The following KIF26B variants were observed in gnomAD, a reference collection of about 807,000 sequenced individuals.
The protein encoded by KIF26B is kinesin-like protein KIF26B.
In KIF26B, 63 loss-of-function variants were observed where a neutral mutation model predicts 151.2. The ratio of observed to expected loss-of-function variants is 0.42; its 90% CI spans 0.34 to 0.51. The LOEUF is 0.51. KIF26B is among the 20% of genes least tolerant of loss of function. The probability of loss-of-function intolerance (pLI) is 0.07; values close to 1 mark genes in which losing one functional copy is unlikely to be tolerated. For missense variants in KIF26B, 2,813 were observed against 2,913.6 expected, an observed-to-expected ratio of 0.97 and a Z score of 0.79; for synonymous variants, 1,357 against 1,262.1, an observed-to-expected ratio of 1.08 and a Z score of -1.59.
intron 2 of KIF26B, among the ~76,000 whole-genome samples, chr1:245,289,895 C>G (rs1172323626): frequency 6.6e-6 from 1 of 152,196 alleles, no homozygotes; most frequent in African/African-American, 2.4e-5. Flanking sequence ...TTGTTCCCGA[C>G]TAAGCAAACC....
rs760386992 is a variant in KIF26B at position 245,685,800 on chromosome 1, C to T, written c.2817C>T (p.Ser939=). Residue 939 remains serine, a synonymous_variant, in exon 12 of 15, where the codon AGC becomes AGT. Coordinates refer to ENST00000407071, the MANE Select transcript of KIF26B (RefSeq NM_018012.4). ...LQERLDCIDG[S]EEPSSFPFEE... Reference sequence around the variant, plus strand: ...AGAGGCTGGACTGCATCGACGGCAGCGAGGAGCCCAGCAGCTTTCCTTTCG... The same window carrying T: ...AGAGGCTGGACTGCATCGACGGCAGTGAGGAGCCCAGCAGCTTTCCTTTCG... 12 of 1,609,422 alleles carry T rather than the reference C, an allele frequency of 7.5e-6. No homozygotes were observed. The East Asian group carries it at 1.3e-4, about 18-fold the overall frequency.
chr1:245,678,666 A>T (rs548316626), intron 10 of KIF26B, among the ~76,000 whole-genome samples: 1 of 152,040 alleles, frequency 6.6e-6, no homozygotes, highest in Non-Finnish European at 1.5e-5. Flanking sequence ...GATTGAGACC[A>T]TCGTGGCCAA....
Position 245,687,950 on chromosome 1 carries a change from G to C in KIF26B, c.4967G>C (p.Ser1656Thr), listed in dbSNP as rs752335244. Residue 1656 changes from serine (S) to threonine (T), a missense_variant, in exon 12 of 15, where the codon AGT becomes ACT. This residue lies in a region of KIF26B where 2,060 missense variants were observed against 2,088.6 expected (regional missense o/e 0.99). Coordinates refer to ENST00000407071, the MANE Select transcript of KIF26B (RefSeq NM_018012.4). This position sits in a 1 kb window ranked among gnomAD's most constrained non-coding sequence, Gnocchi z 4.9. Reference protein sequence around the residue: ...KDASSSSKLFSAKLEQLASRS... With the variant: ...KDASSSSKLFTAKLEQLASRS... ...GCCAGCAGCAGCAGCAAGCTCTTCA[G>C]TGCCAAGCTGGAGCAGCTGGCCAGC... is the stretch of plus-strand genomic sequence containing the variant. The C allele has an allele frequency of 3.8e-6, 6 of 1,591,844 alleles. No homozygotes were observed. The Admixed American group carries it at 5.2e-5, about 14-fold the overall frequency.
At chr1:245,519,490 G>T (rs1394025379) in intron 4 of KIF26B, among the ~76,000 whole-genome samples, 2 of 151,968 alleles carry the variant, frequency 1.3e-5, no homozygotes, top group African/African-American at 4.8e-5. Context: ...GGAGGCAGAG[G>T]CTGCAGTGAG....
In KIF26B at chr1:245,618,991, G is replaced by A. The variant is rs2043626480; in HGVS notation, c.2098+7015G>A. On this transcript the variant is annotated intron_variant, in intron 9 of 14. Transcript: ENST00000407071. Reference sequence around the variant, plus strand: ...CTGTGTCCACTGCATCAGTGTCCAAGCCCTATTAGACTATAGGTTCCTTGA... The same window carrying A: ...CTGTGTCCACTGCATCAGTGTCCAAACCCTATTAGACTATAGGTTCCTTGA... 2.1e-5 allele frequency among the ~76,000 whole-genome samples: 3 copies of A among 145,296 alleles called. No individual in the cohort carries two copies. The South Asian group carries it at 6.6e-4, about 32-fold the overall frequency.
intron 2 of KIF26B, among the ~76,000 whole-genome samples, chr1:245,203,313 G>T (rs1669340209): frequency 6.6e-6 from 1 of 151,732 alleles, no homozygotes; most frequent in East Asian, 1.9e-4. Context: ...AAGAAAAATG[G>T]GCACAACGAT....
intron 4 of KIF26B, among the ~76,000 whole-genome samples, chr1:245,499,329 A>G (rs979861101): frequency 6.6e-6 from 1 of 152,120 alleles, no homozygotes; most frequent in Non-Finnish European, 1.5e-5. Flanking sequence ...AATCCAACAT[A>G]ATGATAGTCT....
chr1:245,670,891 T>G (rs2044278817), intron 10 of KIF26B, among the ~76,000 whole-genome samples: 1 of 152,268 alleles, frequency 6.6e-6, no homozygotes, highest in Non-Finnish European at 1.5e-5. Context: ...CTTAAAAACG[T>G]ACAATTAAGT....
chr1:245,695,273 C>T (rs2044677251), intron 12 of KIF26B, among the ~76,000 whole-genome samples: 2 of 152,158 alleles, frequency 1.3e-5, no homozygotes, highest in Non-Finnish European at 2.9e-5. Context: ...TGTGCCCTTT[C>T]CAGTAATGTG....
At chr1:245,182,220 G>A (rs917873602) in intron 2 of KIF26B, among the ~76,000 whole-genome samples, 1 of 152,154 alleles carries the variant, frequency 6.6e-6, no homozygotes, top group African/African-American at 2.4e-5. Context: ...CCCATTATCA[G>A]TCAGTCTTCA....
intron 4 of KIF26B, among the ~76,000 whole-genome samples, chr1:245,484,685 T>G (rs4658779): frequency 0.69 from 104,225 of 150,030 alleles, 37,058 homozygotes; most frequent in Non-Finnish European, 0.76. Context: ...TGGAGCTGCT[T>G]CTCCTCCTTC....
chr1:245,209,378 C>T (rs960708388), intron 2 of KIF26B, among the ~76,000 whole-genome samples: 1 of 150,914 alleles, frequency 6.6e-6, no homozygotes, highest in African/African-American at 2.4e-5. Context: ...TCCAGCCTGG[C>T]TGACAGAGTG....
At chr1:245,571,953 C>T (rs1320126181) in intron 5 of KIF26B, among the ~76,000 whole-genome samples, 3 of 152,180 alleles carry the variant, frequency 2.0e-5, no homozygotes, top group African/African-American at 7.2e-5. Flanking sequence ...GCTGGCTTCC[C>T]TCTTTACTCT....
At chr1:245,618,077 G>T (rs967730246) in intron 9 of KIF26B, among the ~76,000 whole-genome samples, 1 of 152,162 alleles carries the variant, frequency 6.6e-6, no homozygotes, top group Non-Finnish European at 1.5e-5. Context: ...AAGGAGGCAG[G>T]GAGGGAGGGA....
chr1:245,379,280 C>T (rs910138563), intron 3 of KIF26B, among the ~76,000 whole-genome samples: 5 of 152,130 alleles, frequency 3.3e-5, no homozygotes, highest in Non-Finnish European at 7.4e-5. Context: ...TAATAAAATA[C>T]TGAAAGGCTC....
chr1:245,242,961 A>G (rs1670239006), intron 2 of KIF26B, among the ~76,000 whole-genome samples: 1 of 152,066 alleles, frequency 6.6e-6, no homozygotes, highest in African/African-American at 2.4e-5. Context: ...TATGTGGTTT[A>G]TTTACTTCTC....
chr1:245,325,839 G>C (rs1015822395), intron 2 of KIF26B, among the ~76,000 whole-genome samples: 3 of 152,198 alleles, frequency 2.0e-5, no homozygotes, highest in Non-Finnish European at 4.4e-5. Context: ...GTGGCGGAGG[G>C]GGGGTGGTAT....
intron 2 of KIF26B, among the ~76,000 whole-genome samples, chr1:245,270,320 CACTT>C (rs1670835601): frequency 3.3e-5 from 2 of 60,378 alleles, no homozygotes; most frequent in Admixed American, 3.6e-4. Context: ...TCCCCTCCTT[CACTT>C]CCTTTTTCCT....
chr1:245,315,989 A>T (rs1671766275), intron 2 of KIF26B, among the ~76,000 whole-genome samples: 1 of 152,166 alleles, frequency 6.6e-6, no homozygotes, highest in Non-Finnish European at 1.5e-5. Flanking sequence ...ATAGAATACC[A>T]ATCAAAGGAA....
Sources: allele counts gnomAD v4.1 joint callset (sites outside exome capture counted in the v4.1 genomes callset), GRCh38; gene constraint gnomAD v4.1.1; regional missense constraint gnomAD v4.1.1; non-coding constraint Gnocchi (gnomAD v3.1); transcripts MANE v1.5; gene names NCBI Gene and HGNC (gene_info 2026-07-23, HGNC 2026-07-21).